Variants in EPS15L1 observed in about 807,000 individuals in gnomAD.
EPS15L1 encodes epidermal growth factor receptor pathway substrate 15 like 1.
EPS15L1 carries 43 observed loss-of-function variants against 117.1 expected under a neutral mutation model. The observed-to-expected ratio is 0.37, with a 90% CI of 0.29 to 0.47. The LOEUF is 0.47. Ranked by LOEUF, EPS15L1 falls within the 20% of genes least tolerant of loss-of-function variation. The pLI, the probability that EPS15L1 is intolerant of heterozygous loss-of-function variation, is 0.99. For synonymous variants in EPS15L1, 459 were observed against 470.5 expected (o/e 0.98, Z 0.32); for missense variants, 981 against 1,164.0 (o/e 0.84, Z 2.29).
intron 22 of EPS15L1, among the ~76,000 whole-genome samples, chr19:16,363,630 C>G (rs79578464): frequency 6.6e-6 from 1 of 152,204 alleles, no homozygotes; most frequent in South Asian, 2.1e-4. Flanking sequence ...CTCCTCCCAG[C>G]TGGCCTCCGT....
At chr19:16,385,829 C>A (rs937662134) in intron 20 of EPS15L1, among the ~76,000 whole-genome samples, 1 of 152,174 alleles carries the variant, frequency 6.6e-6, no homozygotes, top group Non-Finnish European at 1.5e-5. Context: ...TAGGCCAGTA[C>A]CTGGGGTCAA....
chr19:16,399,108 ACAGT>A (rs1038559166), intron 16 of EPS15L1, among the ~76,000 whole-genome samples: 4 of 152,138 alleles, frequency 2.6e-5, no homozygotes, highest in Non-Finnish European at 5.9e-5. Flanking sequence ...CCCTGCACTG[ACAGT>A]CAGGCCTGCA....
At chr19:16,403,694 G>A in intron 15 of EPS15L1, 39 bp downstream of exon 15, 1 of 1,588,774 alleles carries the variant, frequency 6.3e-7, no homozygotes, top group Non-Finnish European at 8.6e-7. Context: ...GGGCTCGCTG[G>A]TCCCTGGCAT....
rs2093037549 is a variant in EPS15L1 at position 16,442,057 on chromosome 19, A to C, written c.76-76T>G. 13 of 1,482,932 alleles carry C rather than the reference A, an allele frequency of 8.8e-6. No individual in the cohort carries two copies. The East Asian group carries it at 2.7e-4, about 31-fold the overall frequency. The allele number at this position is 1,482,932 out of a possible 1,614,324, so 91.9% of individuals were successfully genotyped here. A position where few individuals can be genotyped will look rare whatever the true frequency, so the allele number is the denominator to read the frequency against. On this transcript the variant is annotated intron_variant, in intron 2 of 23. Coordinates refer to ENST00000455140, the MANE Select transcript of EPS15L1 (RefSeq NM_001258374.3). ...AGGTGAAGTGGCACCCGCCACGCTA[A>C]CTATCCGCTGACAGTGAACAGAAAA... is the stretch of plus-strand genomic sequence containing the variant.
At chr19:16,356,310 T>A in intron 23 of EPS15L1, 1 of 161,826 alleles carries the variant, frequency 6.2e-6, no homozygotes, top group East Asian at 1.8e-4. Context: ...ATTTTCTTTT[T>A]CTTTTTCTTT....
intron 16 of EPS15L1, among the ~76,000 whole-genome samples, chr19:16,400,365 AAAAAAAC>A (rs2092587903): frequency 1.3e-5 from 2 of 151,860 alleles, no homozygotes; most frequent in Admixed American, 1.3e-4. Context: ...ACAAAAAAAA[AAAAAAAC>A]CCCTGACTTT....
At chr19:16,368,706 C>T (rs559257582) in intron 22 of EPS15L1, among the ~76,000 whole-genome samples, 2 of 152,150 alleles carry the variant, frequency 1.3e-5, no homozygotes, top group South Asian at 2.1e-4. Flanking sequence ...ATAACACAGA[C>T]ACCCACCTAA....
chr19:16,441,840 GGGA>G, intron 3 of EPS15L1, 49 bp downstream of exon 3: 1 of 1,450,662 alleles, frequency 6.9e-7, no homozygotes, highest in South Asian at 1.2e-5. Context: ...GACCTGCGGG[GGGA>G]GCTGTGAGGG....
At chr19:16,450,808 T>TC (rs2093134450) in intron 1 of EPS15L1, among the ~76,000 whole-genome samples, 1 of 151,716 alleles carries the variant, frequency 6.6e-6, no homozygotes, top group South Asian at 2.1e-4. Flanking sequence ...TCTGCTGGTC[T>TC]CGCAAGGTGG....
chr19:16,382,078 C>A (rs1315596462), intron 21 of EPS15L1, among the ~76,000 whole-genome samples: 3 of 152,356 alleles, frequency 2.0e-5, no homozygotes, highest in Admixed American at 2.0e-4. Context: ...ACACTCAAAT[C>A]AGAGCCGCCT....
At position 16,393,950 on chromosome 19, in the gene EPS15L1, C is replaced by T; in HGVS notation, c.1966+1G>A. 1 of 1,614,016 alleles carries T rather than the reference C, an allele frequency of 6.2e-7. No homozygotes were observed. Among genetic ancestry groups the T allele is most frequent in the Non-Finnish European group, 8.5e-7 (1 of 1,179,930 alleles). On this transcript the variant is annotated splice_donor_variant, in intron 18 of 23. Transcript: ENST00000455140. LOFTEE classifies it high-confidence loss of function. ...CCGGTCCGGGAAACACTGAATTTTACCTGTTGAAGTTGTCTGCTGTTCTGC... is the reference window on the plus strand; with the variant it reads ...CCGGTCCGGGAAACACTGAATTTTATCTGTTGAAGTTGTCTGCTGTTCTGC...
At chr19:16,385,775 C>T (rs2092414890) in intron 20 of EPS15L1, among the ~76,000 whole-genome samples, 1 of 152,218 alleles carries the variant, frequency 6.6e-6, no homozygotes, top group African/African-American at 2.4e-5. Flanking sequence ...TCTGCGAGTT[C>T]TACACTGTGA....
chr19:16,391,691 T>C (rs544024765), intron 19 of EPS15L1, among the ~76,000 whole-genome samples: 9 of 151,320 alleles, frequency 5.9e-5, no homozygotes, highest in African/African-American at 2.2e-4. Context: ...GGGCATAATA[T>C]GCAAAATACC....
chr19:16,372,488 G>A (rs893437791), intron 22 of EPS15L1, among the ~76,000 whole-genome samples: 1 of 152,202 alleles, frequency 6.6e-6, no homozygotes, highest in African/African-American at 2.4e-5. Flanking sequence ...ACCCACAGAG[G>A]ACGCTGGAGC....
intron 1 of EPS15L1, among the ~76,000 whole-genome samples, chr19:16,456,785 G>C (rs1168911594): frequency 1.3e-5 from 2 of 152,208 alleles, no homozygotes; most frequent in African/African-American, 2.4e-5. Context: ...AGTAGGCACA[G>C]TGAGGGGAAC....
intron 21 of EPS15L1, 39 bp downstream of exon 21, chr19:16,385,090 C>T (rs2092405259): frequency 1.3e-6 from 2 of 1,521,554 alleles, no homozygotes; most frequent in South Asian, 1.1e-5. Flanking sequence ...GGCACAAAGA[C>T]ACTAGCAGAG....
Position 16,404,002 on chromosome 19 carries a change from C to A in EPS15L1, c.1429-72G>T. 7.2e-7 allele frequency: 1 copy of A among 1,394,202 alleles called. No homozygotes were observed. The highest frequency in any genetic ancestry group is 1.2e-5 in the South Asian group (1 of 82,174). The allele number at this position is 1,394,202 out of a possible 1,614,324, so 86.4% of individuals were successfully genotyped here. ...TGAAATGGGACTCCGAGAAAGAACT[C>A]TTAGCCCCCATCCCCGAAACAAGCT... On this transcript the variant is annotated intron_variant, in intron 14 of 23. Coordinates refer to ENST00000455140, the MANE Select transcript of EPS15L1 (RefSeq NM_001258374.3). The surrounding 1 kb of genome is among the most constrained non-coding windows in gnomAD (Gnocchi z 4.2).
intron 12 of EPS15L1, among the ~76,000 whole-genome samples, chr19:16,417,286 A>G (rs931052497): frequency 3.9e-5 from 6 of 152,210 alleles, no homozygotes; most frequent in African/African-American, 1.4e-4. Flanking sequence ...GCCTGGGACC[A>G]CACAGCTGCC....
intron 1 of EPS15L1, among the ~76,000 whole-genome samples, chr19:16,460,881 G>A (rs933782996): frequency 2.6e-5 from 4 of 152,314 alleles, no homozygotes; most frequent in African/African-American, 7.2e-5. Flanking sequence ...GGTTAAACAC[G>A]CTCAGTGTGA....
Sources: allele counts gnomAD v4.1 joint callset (sites outside exome capture counted in the v4.1 genomes callset), GRCh38; gene constraint gnomAD v4.1.1; non-coding constraint Gnocchi (gnomAD v3.1); transcripts MANE v1.5; gene names NCBI Gene and HGNC (gene_info 2026-07-23, HGNC 2026-07-21).